The following IKZF3 variants were observed in gnomAD, a reference collection of about 807,000 sequenced individuals.
The protein encoded by IKZF3 is IKAROS family zinc finger 3.
Under a neutral mutation model 49.0 loss-of-function variants are expected in IKZF3, and 10 were observed. The ratio of observed to expected loss-of-function variants is 0.20; its 90% CI spans 0.13 to 0.35. The LOEUF (loss-of-function observed/expected upper bound fraction) is 0.35. IKZF3 is among the 10% of genes least tolerant of loss of function. The pLI, the probability that IKZF3 is intolerant of heterozygous loss-of-function variation, is 1.00. For synonymous variants in IKZF3, 209 were observed against 228.2 expected (o/e 0.92, Z 0.76); for missense variants, 498 against 664.8 (o/e 0.75, Z 2.76).
chr17:39,765,785 G>A lies in IKZF3; in HGVS notation c.*5C>T. On this transcript the variant is annotated 3_prime_UTR_variant, in exon 8 of 8. Transcript: ENST00000346872. Reference sequence around the variant, plus strand: ...TACATAGGAGCAATCCCTGAGACCAGATATTCACTTCAGCAGGGCTCTGTG... The same window carrying A: ...TACATAGGAGCAATCCCTGAGACCAAATATTCACTTCAGCAGGGCTCTGTG... 4 of 1,584,526 alleles carry A rather than the reference G, an allele frequency of 2.5e-6. No homozygotes were observed. The highest frequency in any genetic ancestry group is 3.5e-6 in the Non-Finnish European group (4 of 1,158,732).
In IKZF3 at chr17:39,853,071, C is replaced by T. The variant is rs181617438; in HGVS notation, c.7+11049G>A. On this transcript the variant is annotated intron_variant, in intron 1 of 7. Coordinates refer to ENST00000346872, the MANE Select transcript of IKZF3 (RefSeq NM_012481.5). The stretch of plus-strand genomic sequence containing the variant: ...TTTAGAGGAGAGGTCCCTGACCCTG[C>T]CTCCTTCCATTACTCTCCAAATTAG... Among the ~76,000 whole-genome samples the T allele has an allele frequency of 3.9e-5, 6 of 152,270 alleles. No homozygotes were observed. The East Asian group carries it at 1.2e-3, about 29-fold the overall frequency.
chr17:39,838,840 C>CA (rs1047199391), intron 1 of IKZF3, among the ~76,000 whole-genome samples: 2 of 151,184 alleles, frequency 1.3e-5, no homozygotes, highest in Non-Finnish European at 3.0e-5. Context: ...CTTTGTTTTA[C>CA]TTTTTTTTTA....
intron 1 of IKZF3, among the ~76,000 whole-genome samples, chr17:39,847,953 A>G (rs1326140226): frequency 3.9e-5 from 6 of 152,218 alleles, no homozygotes; most frequent in Admixed American, 6.5e-5. Context: ...CAGAACTAGA[A>G]GAAATTTTAG....
chr17:39,857,386 T>C (rs1413760116), intron 1 of IKZF3, among the ~76,000 whole-genome samples: 1 of 152,246 alleles, frequency 6.6e-6, no homozygotes, highest in African/African-American at 2.4e-5. Context: ...CTGATGTTGC[T>C]GTGATAGAGT....
At chr17:39,863,564 T>TA (rs2063274243) in intron 1 of IKZF3, among the ~76,000 whole-genome samples, 1 of 152,220 alleles carries the variant, frequency 6.6e-6, no homozygotes, top group African/African-American at 2.4e-5. Flanking sequence ...AGGATAGTGT[T>TA]ACGACTTTCA....
chr17:39,775,405 T>G (rs1050267601), intron 7 of IKZF3, among the ~76,000 whole-genome samples: 1 of 152,206 alleles, frequency 6.6e-6, no homozygotes, highest in Non-Finnish European at 1.5e-5. Context: ...CTGGTTGCAA[T>G]TGTAGCAAAC....
chr17:39,783,345 G>A (rs2060792573), intron 6 of IKZF3, among the ~76,000 whole-genome samples: 1 of 152,120 alleles, frequency 6.6e-6, no homozygotes, highest in Non-Finnish European at 1.5e-5. Context: ...TTTTTGAGAT[G>A]GAGTCTCGCT....
chr17:39,803,586 T>C (rs2061369842), intron 3 of IKZF3, among the ~76,000 whole-genome samples: 1 of 151,580 alleles, frequency 6.6e-6, no homozygotes, highest in Non-Finnish European at 1.5e-5. Context: ...CGATCTCGGC[T>C]CACAGCAACC....
In IKZF3 at chr17:39,760,159, T is replaced by TTA. The variant is rs1407627417; in HGVS notation, c.*5630_*5631insTA. ...ACTATTTTTTTCCTTAAAACATTCT[T>TTA]TTTTTTTTTTTTTTTGAGATGGAGT... On this transcript the variant is annotated 3_prime_UTR_variant, in exon 8 of 8. Coordinates refer to ENST00000346872, the MANE Select transcript of IKZF3 (RefSeq NM_012481.5). 3 of 146,496 alleles carry TTA rather than the reference T, an allele frequency of 2.0e-5. No individual in the cohort carries two copies. The highest frequency in any genetic ancestry group is 7.5e-5 in the African/African-American group (3 of 39,828). The allele number at this position is 146,496 out of a possible 1,614,324, so 9.1% of individuals were successfully genotyped here. A position where few individuals can be genotyped will look rare whatever the true frequency, so the allele number is the denominator to read the frequency against.
intron 3 of IKZF3, among the ~76,000 whole-genome samples, chr17:39,826,323 A>G (rs980247656): frequency 2.0e-5 from 3 of 152,244 alleles, no homozygotes; most frequent in African/African-American, 7.2e-5. Flanking sequence ...GATTACAGGC[A>G]TAAGCCACCA....
chr17:39,801,709 C>T (rs930577784), intron 3 of IKZF3, among the ~76,000 whole-genome samples: 26 of 151,950 alleles, frequency 1.7e-4, no homozygotes, highest in African/African-American at 5.3e-4. Flanking sequence ...AGAGAGAAAC[C>T]GATGATATTT....
chr17:39,837,721 C>T, intron 1 of IKZF3, among the ~76,000 whole-genome samples: 1 of 152,014 alleles, frequency 6.6e-6, no homozygotes, highest in South Asian at 2.1e-4. Flanking sequence ...TCACTGCAAG[C>T]TCTGCCTCCC....
chr17:39,770,497 C>T (rs1264819416), intron 7 of IKZF3, among the ~76,000 whole-genome samples: 1 of 152,078 alleles, frequency 6.6e-6, no homozygotes, highest in Non-Finnish European at 1.5e-5. Context: ...TGAACTGATG[C>T]AATGTGGTGA....
At chr17:39,793,018 CAATTA>C in intron 3 of IKZF3, 85 bp from the exon 4 acceptor site, 1 of 1,308,132 alleles carries the variant, frequency 7.6e-7, no homozygotes, top group Middle Eastern at 2.2e-4. Flanking sequence ...CCACAACTGA[CAATTA>C]AATACCAATC....
chr17:39,774,406 A>G (rs2313429), intron 7 of IKZF3, among the ~76,000 whole-genome samples: 14,242 of 152,040 alleles, frequency 0.094, 1,371 homozygotes, highest in African/African-American at 0.25. Context: ...GGGAGGGAAC[A>G]AGAGGACAAG....
intron 3 of IKZF3, among the ~76,000 whole-genome samples, chr17:39,820,039 TTTA>T (rs2061768036): frequency 6.6e-6 from 1 of 152,212 alleles, no homozygotes; most frequent in African/African-American, 2.4e-5. Flanking sequence ...AGGGCTTTCA[TTTA>T]GTCACTTACT....
At chr17:39,856,839 T>C (rs1031453950) in intron 1 of IKZF3, among the ~76,000 whole-genome samples, 3 of 151,704 alleles carry the variant, frequency 2.0e-5, no homozygotes, top group Non-Finnish European at 4.4e-5. Context: ...TAATTTTACA[T>C]GAGAAAATAT....
At chr17:39,853,576 C>T (rs1216312120) in intron 1 of IKZF3, among the ~76,000 whole-genome samples, 3 of 152,156 alleles carry the variant, frequency 2.0e-5, no homozygotes, top group African/African-American at 7.2e-5. Context: ...TGGTTCACAC[C>T]TGTAATTCCA....
At chr17:39,792,370 G>T (rs2061046476) in intron 4 of IKZF3, among the ~76,000 whole-genome samples, 1 of 152,166 alleles carries the variant, frequency 6.6e-6, no homozygotes, top group Admixed American at 6.5e-5. Flanking sequence ...ACAAAAGATG[G>T]CTAAGAAGCA....
Sources: allele counts gnomAD v4.1 joint callset (sites outside exome capture counted in the v4.1 genomes callset), GRCh38; gene constraint gnomAD v4.1.1; transcripts MANE v1.5; gene names NCBI Gene and HGNC (gene_info 2026-07-23, HGNC 2026-07-21).